The following PRIM2 variants were observed in gnomAD, a reference collection of about 807,000 sequenced individuals.
PRIM2 encodes the protein DNA primase large subunit.
Under a neutral mutation model 67.3 loss-of-function variants are expected in PRIM2, and 39 were observed. The ratio of observed to expected loss-of-function variants is 0.58; its 90% CI spans 0.45 to 0.76. PRIM2 has a LOEUF of 0.76. Among genes scored for constraint, PRIM2 ranks in the 30% least tolerant of loss-of-function variants. The probability of loss-of-function intolerance (pLI) is 0.00; values close to 1 mark genes in which losing one functional copy is unlikely to be tolerated. For missense variants in PRIM2, 398 were observed against 598.7 expected (o/e 0.66, Z 3.50); for synonymous variants, 143 against 198.7 (o/e 0.72, Z 2.36).
chr6:57,336,327 G>A lies in PRIM2; in HGVS notation c.459+10282G>A, dbSNP rs1287400292. On this transcript the variant is annotated intron_variant, in intron 5 of 13. Coordinates refer to ENST00000615550, the MANE Select transcript of PRIM2 (RefSeq NM_000947.5). The stretch of plus-strand genomic sequence containing the variant: ...AGAACTTCCCCAATCTAGCAAGGCA[G>A]GCCAACATTCAGATTCAGGAAATAC... Among the ~76,000 whole-genome samples the A allele has an allele frequency of 3.0e-4, 45 of 151,550 alleles. No individual in the cohort carries two copies. The South Asian group carries it at 9.2e-3, about 31-fold the overall frequency.
At chr6:57,345,506 G>GTGTGTGTGTGTGTGTGTGTATA (rs369673115) in intron 5 of PRIM2, among the ~76,000 whole-genome samples, 1 of 122,248 alleles carries the variant, frequency 8.2e-6, no homozygotes, top group African/African-American at 3.3e-5. Flanking sequence ...GTGTGTGTGT[G>GTGTGTGTGTGTGTGTGTGTATA]TACATACATA....
At chr6:57,469,261 T>G (rs1773280514) in intron 7 of PRIM2, among the ~76,000 whole-genome samples, 1 of 152,250 alleles carries the variant, frequency 6.6e-6, no homozygotes, top group Admixed American at 6.5e-5. Flanking sequence ...CCTGGCAGAT[T>G]AGCTTTCAGT....
At chr6:57,460,616 T>TA (rs10667805) in intron 7 of PRIM2, among the ~76,000 whole-genome samples, 3,185 of 129,680 alleles carry the variant, frequency 0.025, 95 homozygotes, top group African/African-American at 0.074. Flanking sequence ...CATCCTGATT[T>TA]AAAAAAAAAA....
chr6:57,623,683 C>T (rs1416707674), intron 12 of PRIM2, among the ~76,000 whole-genome samples: 4 of 151,892 alleles, frequency 2.6e-5, no homozygotes, highest in African/African-American at 9.7e-5. Flanking sequence ...CTCCCAGAGG[C>T]ACCGGCTTCT....
intron 1 of PRIM2, among the ~76,000 whole-genome samples, chr6:57,318,085 G>A (rs1159543325): frequency 6.6e-6 from 1 of 152,108 alleles, no homozygotes; most frequent in Non-Finnish European, 1.5e-5. Context: ...TGCAGACCAC[G>A]TAAAACCTTA....
intron 7 of PRIM2, among the ~76,000 whole-genome samples, chr6:57,466,928 C>G (rs1554344446): frequency 6.6e-6 from 1 of 151,978 alleles, no homozygotes; most frequent in Non-Finnish European, 1.5e-5. Flanking sequence ...AGAGACCAGC[C>G]TGACCAAATG....
Position 57,537,420 on chromosome 6 carries a change from C to T in PRIM2, c.835-20C>T. On this transcript the variant is annotated intron_variant, in intron 9 of 13. Coordinates refer to ENST00000615550, the MANE Select transcript of PRIM2 (RefSeq NM_000947.5). The stretch of plus-strand genomic sequence containing the variant: ...TAAGTCTTCCACTTAACTTAAAACT[C>T]TACTATTTTTTTCTTGTAGCTTTCT... 1 of 1,280,008 alleles carries T rather than the reference C, an allele frequency of 7.8e-7. No homozygotes were observed. Among genetic ancestry groups the T allele is most frequent in the Non-Finnish European group, 1.1e-6 (1 of 922,246 alleles). The allele number at this position is 1,280,008 out of a possible 1,614,324, so 79.3% of individuals were successfully genotyped here.
intron 7 of PRIM2, among the ~76,000 whole-genome samples, chr6:57,406,968 G>T (rs541790468): frequency 6.7e-6 from 1 of 150,338 alleles, no homozygotes; most frequent in African/African-American, 2.4e-5. Flanking sequence ...CTAAATTGAG[G>T]TGTGAATAAG....
chr6:57,271,280 C>T, the PRIM2 span, among the ~76,000 whole-genome samples: 51 of 152,204 alleles, frequency 3.4e-4, no homozygotes, highest in African/African-American at 1.1e-3. Flanking sequence ...GGTTGGTAAG[C>T]GATTGATTAT....
intron 7 of PRIM2, among the ~76,000 whole-genome samples, chr6:57,410,391 A>AT (rs1771049698): frequency 1.3e-5 from 2 of 150,368 alleles, no homozygotes; most frequent in South Asian, 4.2e-4. Context: ...TTTTCATTGG[A>AT]TTCCCCATTT....
At chr6:57,393,785 A>T (rs1310680396) in intron 7 of PRIM2, among the ~76,000 whole-genome samples, 3 of 151,856 alleles carry the variant, frequency 2.0e-5, no homozygotes, top group Non-Finnish European at 4.4e-5. Flanking sequence ...TAGAATTTTT[A>T]TAGTTTCAGG....
intron 10 of PRIM2, among the ~76,000 whole-genome samples, chr6:57,578,677 T>G (rs1776006342): frequency 0.013 from 1 of 80 alleles, no homozygotes; most frequent in East Asian, 0.25. Context: ...TTGTTTTTTG[T>G]TTTTTTTTTT....
At chr6:57,398,584 G>C (rs1219822495) in intron 7 of PRIM2, among the ~76,000 whole-genome samples, 3 of 152,138 alleles carry the variant, frequency 2.0e-5, no homozygotes, top group Admixed American at 6.6e-5. Flanking sequence ...CGCTTTTAGA[G>C]CATTTGCTGT....
At chr6:57,357,394 TC>T in intron 5 of PRIM2, among the ~76,000 whole-genome samples, 1 of 152,340 alleles carries the variant, frequency 6.6e-6, no homozygotes, top group Middle Eastern at 3.4e-3. Context: ...CTCCCTAGCC[TC>T]ATCTCTTACC....
chr6:57,555,251 C>T (rs1775488529), intron 10 of PRIM2, among the ~76,000 whole-genome samples: 1 of 152,090 alleles, frequency 6.6e-6, no homozygotes, highest in Non-Finnish European at 1.5e-5. Flanking sequence ...TTAAGTCCTG[C>T]AGTATGTCTG....
chr6:57,572,413 C>T (rs1362787532), intron 10 of PRIM2, among the ~76,000 whole-genome samples: 3 of 152,128 alleles, frequency 2.0e-5, no homozygotes, highest in South Asian at 2.1e-4. Context: ...TTCCTTTGCA[C>T]GTTGTGTCAC....
the PRIM2 span, among the ~76,000 whole-genome samples, chr6:57,276,798 A>G: frequency 1.3e-3 from 203 of 151,832 alleles, no homozygotes; most frequent in Non-Finnish European, 2.5e-3. Context: ...CTCAGGTGGG[A>G]GAATGGCTTG....
chr6:57,377,124 A>G (rs12195980), intron 5 of PRIM2, among the ~76,000 whole-genome samples: 1 of 150,590 alleles, frequency 6.6e-6, no homozygotes, highest in African/African-American at 2.4e-5. Flanking sequence ...TCCTGACCTC[A>G]TGATCCACCC....
intron 7 of PRIM2, among the ~76,000 whole-genome samples, chr6:57,481,496 G>T (rs1241667977): frequency 8.6e-5 from 13 of 151,848 alleles, no homozygotes; most frequent in African/African-American, 3.1e-4. Flanking sequence ...CTGTTGAAGG[G>T]CATTGAATTA....
Sources: gnomAD v4.1 joint callset for allele counts (sites outside exome capture counted in the v4.1 genomes callset) on GRCh38, gnomAD v4.1.1 for gene constraint, MANE v1.5 for transcripts, NCBI Gene and HGNC (gene_info 2026-07-23, HGNC 2026-07-21) for gene names.